MORC4: variants seen among roughly 807,000 people sequenced by gnomAD.
The protein encoded by MORC4 is MORC family CW-type zinc finger 4.
Under a neutral mutation model 65.5 loss-of-function variants are expected in MORC4, and 22 were observed. The observed-to-expected ratio is 0.34, with a 90% confidence interval of 0.24 to 0.48. The LOEUF is 0.48. Among genes scored for constraint, MORC4 ranks in the 20% least tolerant of loss-of-function variants. The pLI is 0.99. For missense variants in MORC4, 624 were observed against 703.0 expected (o/e 0.89, Z 1.27); for synonymous variants, 267 against 255.8 (o/e 1.04, Z -0.42).
chrX:106,960,204 G>A (rs1180901881), intron 10 of MORC4, among the ~76,000 whole-genome samples: 1 of 112,341 alleles, frequency 8.9e-6, no homozygotes, highest in Non-Finnish European at 1.9e-5. Context: ...GGTTCTACAT[G>A]CATATGCATA....
rs1366297708 is a variant in MORC4, at chrX:106,980,988, C to T, written c.839G>A (p.Arg280His). 6 of 1,207,662 alleles carry T rather than the reference C, an allele frequency of 5.0e-6. No individual in the cohort carries two copies. The East Asian group carries it at 8.9e-5, about 18-fold the overall frequency. ...CTTTTGACGCAGAAAAATTTTCATGCGTGGCTTCATGTATAGAATACCACA... is the reference window on the plus strand; with the variant it reads ...CTTTTGACGCAGAAAAATTTTCATGTGTGGCTTCATGTATAGAATACCACA... ...AFCGILYMKP[R>H]MKIFLRQKKV... Residue 280 changes from arginine to histidine, a missense_variant, in exon 7 of 17, where the codon CGC becomes CAC. Coordinates refer to ENST00000355610, the MANE Select transcript of MORC4 (RefSeq NM_024657.5).
At chrX:106,979,049 A>T (rs982357404) in intron 7 of MORC4, among the ~76,000 whole-genome samples, 8 of 111,727 alleles carry the variant, frequency 7.2e-5, no homozygotes, top group Non-Finnish European at 1.5e-4. Context: ...GGAGATAGAG[A>T]AACTGAGATT....
At chrX:106,956,319 G>C (rs1934103895) in intron 13 of MORC4, among the ~76,000 whole-genome samples, 161 bp downstream of exon 13, 1 of 112,207 alleles carries the variant, frequency 8.9e-6, no homozygotes, top group African/African-American at 3.2e-5. Flanking sequence ...ATCAGTGACA[G>C]CAGAGCAAAG....
chrX:106,952,200 G>A (rs1174327117), intron 14 of MORC4, among the ~76,000 whole-genome samples: 1 of 110,487 alleles, frequency 9.1e-6, no homozygotes, highest in East Asian at 2.8e-4. Context: ...TACGCTCTGA[G>A]AAATCCATTG....
At chrX:106,989,457 G>T (rs768561362) in intron 3 of MORC4, among the ~76,000 whole-genome samples, 22 of 112,429 alleles carry the variant, frequency 2.0e-4, no homozygotes, top group African/African-American at 6.5e-4. Context: ...ATAAAGAGTT[G>T]GAAAGTGTGG....
intron 7 of MORC4, among the ~76,000 whole-genome samples, chrX:106,979,120 T>C (rs1292173230): frequency 1.8e-5 from 2 of 111,054 alleles, no homozygotes; most frequent in East Asian, 2.8e-4. Flanking sequence ...AAATTTACTT[T>C]TGTTACTTAT....
chrX:106,970,756 T>G (rs1320269200), intron 9 of MORC4, among the ~76,000 whole-genome samples: 1 of 111,618 alleles, frequency 9.0e-6, no homozygotes, highest in Non-Finnish European at 1.9e-5. Flanking sequence ...GAATATAACT[T>G]ACAATGGATG....
intron 9 of MORC4, among the ~76,000 whole-genome samples, chrX:106,975,155 A>G (rs1223138266): frequency 8.9e-6 from 1 of 111,937 alleles, no homozygotes; most frequent in Admixed American, 9.5e-5. Flanking sequence ...GGCAAAGATG[A>G]TATAGAAAGA....
At position 106,943,138 on chromosome X, in the gene MORC4, T is replaced by G. The variant is rs746436169; in HGVS notation, c.1753A>C (p.Thr585Pro). 2 of 1,210,538 alleles carry G rather than the reference T, an allele frequency of 1.7e-6. No homozygotes were observed. Among genetic ancestry groups the G allele is most frequent in the East Asian group, 5.9e-5 (2 of 33,825 alleles). The change falls in exon 15 of 17, where the codon ACA (threonine) becomes CCA (proline). Residue 585 changes from threonine (T) to proline (P), a missense_variant. Transcript: ENST00000355610. ...KRRRLQNEMT[T>P]PSLDYSMPAP... ...GGCATGGAATAATCTAGAGAAGGTG[T>G]TGTCATCTCATTCTGGAGCCTTCTT...
Position 106,942,970 on chromosome X carries a change from C to T in MORC4, c.1921G>A (p.Glu641Lys). Residue 641 changes from glutamate to lysine, a missense_variant, in exon 15 of 17, where the codon GAG becomes AAG. Coordinates refer to ENST00000355610, the MANE Select transcript of MORC4 (RefSeq NM_024657.5). ...GCCCCTGGATACAGAATTGAAACCT[C>T]CCTATTCTGACCTGTATTCTTGCTT... Reference protein sequence around the residue: ...EASKNTGQNREVSILYPGAKD... With the variant: ...EASKNTGQNRKVSILYPGAKD... The T allele has an allele frequency of 2.5e-6, 3 of 1,211,017 alleles. No homozygotes were observed. Among genetic ancestry groups the T allele is most frequent in the Middle Eastern group, 2.3e-4 (1 of 4,355 alleles).
chrX:106,957,954 G>C (rs1398796337), intron 11 of MORC4, among the ~76,000 whole-genome samples: 2 of 111,945 alleles, frequency 1.8e-5, no homozygotes, highest in Non-Finnish European at 3.8e-5. Context: ...AAATACCAGA[G>C]GAAATCAGAG....
chrX:106,954,784 G>GT (rs1934062524), intron 14 of MORC4, 129 bp downstream of exon 14: 1 of 589,563 alleles, frequency 1.7e-6, no homozygotes, highest in African/African-American at 2.3e-5. Flanking sequence ...ACTTAAAATT[G>GT]TGTTTCTACT....
chrX:106,972,853 G>A (rs1016579473), intron 9 of MORC4, among the ~76,000 whole-genome samples: 4 of 112,820 alleles, frequency 3.5e-5, no homozygotes, highest in Non-Finnish European at 7.5e-5. Context: ...CAGGACAATC[G>A]CTTGAACCCC....
intron 5 of MORC4, among the ~76,000 whole-genome samples, chrX:106,982,620 G>C (rs113363636): frequency 3.6e-5 from 4 of 111,517 alleles, no homozygotes; most frequent in African/African-American, 1.3e-4. Flanking sequence ...TTTTCTTAGA[G>C]ACAGGGTCTT....
At chrX:106,993,953 C>G (rs1935028773) in intron 2 of MORC4, among the ~76,000 whole-genome samples, 1 of 112,301 alleles carries the variant, frequency 8.9e-6, no homozygotes, top group South Asian at 3.7e-4. Context: ...CTGCCTAGAT[C>G]TCAGTGATGG....
chrX:106,955,722 C>G, intron 13 of MORC4, among the ~76,000 whole-genome samples: 1 of 111,445 alleles, frequency 9.0e-6, no homozygotes, highest in Middle Eastern at 4.6e-3. Context: ...ATTCATATGC[C>G]TGGGTCTTGG....
intron 14 of MORC4, among the ~76,000 whole-genome samples, chrX:106,953,659 G>T (rs377201816): frequency 5.8e-4 from 61 of 105,445 alleles, no homozygotes; most frequent in African/African-American, 2.0e-3. Flanking sequence ...TTGGTTTTTT[G>T]TTTTTTTTTT....
At chrX:106,956,685 G>T (rs1353425559) in intron 12 of MORC4, 151 bp from the exon 13 acceptor site, 1 of 522,521 alleles carries the variant, frequency 1.9e-6, no homozygotes, top group East Asian at 3.5e-5. Flanking sequence ...TCTGAACTAG[G>T]CTACTGAAGT....
Position 106,985,976 on chromosome X carries a change from A to AGGATG in MORC4, c.526+6_526+7insCATCC. ...TAACCAACATTCTCCATTTCCAGAAAGGATATTGTTTTGCTGGTTGAATGG... is the reference window on the plus strand; with the variant it reads ...TAACCAACATTCTCCATTTCCAGAAAGGATGGGATATTGTTTTGCTGGTTGAATGG... On this transcript the variant is annotated splice_region_variant and intron_variant, in intron 4 of 16. Transcript: ENST00000355610. The AGGATG allele has an allele frequency of 1.7e-6, 2 of 1,186,131 alleles. No individual in the cohort carries two copies. Among genetic ancestry groups the AGGATG allele is most frequent in the Non-Finnish European group, 2.3e-6 (2 of 875,619 alleles).
Sources: allele counts gnomAD v4.1 joint callset (sites outside exome capture counted in the v4.1 genomes callset), GRCh38; gene constraint gnomAD v4.1.1; transcripts MANE v1.5; gene names NCBI Gene and HGNC (gene_info 2026-07-23, HGNC 2026-07-21).